Variants in KAZN observed in about 807,000 individuals in gnomAD.
KAZN encodes kazrin.
In KAZN, 40 loss-of-function variants were observed where a neutral mutation model predicts 87.4. The ratio of observed to expected loss-of-function variants is 0.46; its 90% CI spans 0.36 to 0.60. KAZN has a LOEUF of 0.60. Ranked by LOEUF, KAZN falls within the 20% of genes least tolerant of loss-of-function variation. KAZN has a pLI of 0.00. For missense variants in KAZN, 898 were observed against 1,073.9 expected, an observed-to-expected ratio of 0.84 and a Z score of 2.29; for synonymous variants, 466 against 458.3, an observed-to-expected ratio of 1.02 and a Z score of -0.22.
chr1:14,256,975 A>G (rs1650567032), intron 2 of KAZN, among the ~76,000 whole-genome samples: 1 of 152,086 alleles, frequency 6.6e-6, no homozygotes, highest in Non-Finnish European at 1.5e-5. Flanking sequence ...GATTCCCACA[A>G]TATGACAAAA....
chr1:14,132,330 A>AG (rs1386391164), intron 1 of KAZN, among the ~76,000 whole-genome samples: 14 of 152,130 alleles, frequency 9.2e-5, no homozygotes, highest in African/African-American at 4.8e-5. Flanking sequence ...GCAGAAAAGC[A>AG]GGGGGTCACA....
At chr1:14,761,185 C>T (rs1217421220) in intron 1 of KAZN, among the ~76,000 whole-genome samples, 1 of 152,174 alleles carries the variant, frequency 6.6e-6, no homozygotes, top group East Asian at 1.9e-4. Context: ...CAGGCTAGGT[C>T]TGTGCCTACC....
intron 2 of KAZN, among the ~76,000 whole-genome samples, chr1:14,393,841 T>TAAAAAAA (rs1417029946): frequency 2.0e-5 from 1 of 49,668 alleles, no homozygotes; most frequent in African/African-American, 6.0e-5. Context: ...AGACCCAATC[T>TAAAAAAA]CAAAAAAAAA....
At chr1:14,200,806 C>T (rs762681153) in intron 2 of KAZN, among the ~76,000 whole-genome samples, 2 of 151,860 alleles carry the variant, frequency 1.3e-5, no homozygotes, top group Non-Finnish European at 2.9e-5. Flanking sequence ...CTCTCCACCA[C>T]ACCTGTGCTG....
intron 1 of KAZN, among the ~76,000 whole-genome samples, chr1:14,805,760 CAAAAT>C (rs1374150760): frequency 8.5e-6 from 1 of 117,650 alleles, no homozygotes; most frequent in Non-Finnish European, 1.8e-5. Flanking sequence ...CACCCCATCT[CAAAAT>C]AATAATAATA....
At chr1:14,930,857 A>G (rs976341102) in intron 1 of KAZN, among the ~76,000 whole-genome samples, 1 of 152,068 alleles carries the variant, frequency 6.6e-6, no homozygotes, top group Non-Finnish European at 1.5e-5. Context: ...GGGAGGGGGG[A>G]ACCCTGGGGG....
chr1:13,928,656 T>C (rs1233607330), intron 1 of KAZN, among the ~76,000 whole-genome samples: 1 of 152,162 alleles, frequency 6.6e-6, no homozygotes, highest in Non-Finnish European at 1.5e-5. Flanking sequence ...CTGAATAAAA[T>C]ATTGATCCAG....
chr1:13,987,726 G>A (rs1639087733), intron 1 of KAZN, among the ~76,000 whole-genome samples: 1 of 152,102 alleles, frequency 6.6e-6, no homozygotes, highest in Non-Finnish European at 1.5e-5. Flanking sequence ...ACCCACTACT[G>A]TGATAACAGC....
chr1:14,233,928 G>T (rs1648114718), intron 2 of KAZN, among the ~76,000 whole-genome samples: 1 of 152,162 alleles, frequency 6.6e-6, no homozygotes, highest in Admixed American at 6.5e-5. Context: ...TAGAGAAATA[G>T]GAACGCTTTT....
chr1:14,554,674 T>A (rs1228947236), intron 2 of KAZN, among the ~76,000 whole-genome samples: 2 of 152,296 alleles, frequency 1.3e-5, no homozygotes, highest in African/African-American at 4.8e-5. Flanking sequence ...GTACTTGACA[T>A]CTCTAGAAAG....
At chr1:13,927,137 A>T (rs893170545) in intron 1 of KAZN, among the ~76,000 whole-genome samples, 1 of 152,214 alleles carries the variant, frequency 6.6e-6, no homozygotes, top group African/African-American at 2.4e-5. Context: ...TCCGTGTTCT[A>T]TAAAGCCCTT....
At chr1:14,875,408 T>G (rs1652652397) in intron 1 of KAZN, among the ~76,000 whole-genome samples, 1 of 150,928 alleles carries the variant, frequency 6.6e-6, no homozygotes, top group Non-Finnish European at 1.5e-5. Context: ...TTTATTTGGT[T>G]GTTGTTATCA....
intron 2 of KAZN, among the ~76,000 whole-genome samples, chr1:14,470,977 G>A (rs1041436269): frequency 6.6e-5 from 10 of 152,324 alleles, no homozygotes; most frequent in African/African-American, 2.4e-4. Context: ...GTCCCATGGT[G>A]AGGTATTGAG....
intron 1 of KAZN, among the ~76,000 whole-genome samples, chr1:14,706,269 TATA>T (rs1642203184): frequency 1.3e-5 from 2 of 151,974 alleles, no homozygotes; most frequent in Admixed American, 6.6e-5. Flanking sequence ...TATATTACAA[TATA>T]ATAATAATAA....
At chr1:14,381,542 G>A (rs765917894) in intron 2 of KAZN, among the ~76,000 whole-genome samples, 1 of 152,040 alleles carries the variant, frequency 6.6e-6, no homozygotes, top group Non-Finnish European at 1.5e-5. Context: ...CAATTAATCT[G>A]ATACATCATA....
intron 1 of KAZN, among the ~76,000 whole-genome samples, chr1:13,924,441 A>T (rs1640191913): frequency 6.6e-6 from 1 of 152,174 alleles, no homozygotes; most frequent in African/African-American, 2.4e-5. Context: ...AAACAGCTTT[A>T]TTGAGATTTA....
At position 14,469,770 on chromosome 1, in the gene KAZN, A is replaced by G. The variant is rs1668351673; in HGVS notation, c.250-129213A>G. Among the ~76,000 whole-genome samples the G allele has an allele frequency of 1.3e-5, 2 of 152,202 alleles. 1 individual carries two copies. The highest frequency in any genetic ancestry group is 4.8e-5 in the African/African-American group (2 of 41,458). ...TGTCAGATTCTTATTAGCATTAATG[A>G]TGGGTTGTTCAACAAAATCTCTGCA... On this transcript the variant is annotated intron_variant, in intron 2 of 16. Coordinates refer to the KAZN transcript ENST00000636203.
chr1:14,034,033 G>T (rs147251630), intron 1 of KAZN, among the ~76,000 whole-genome samples: 4 of 152,246 alleles, frequency 2.6e-5, no homozygotes, highest in African/African-American at 7.2e-5. Flanking sequence ...AATGTTGGGC[G>T]CAGCAAGGCT....
chr1:14,407,117 C>G (rs1451807710), intron 2 of KAZN, among the ~76,000 whole-genome samples: 1 of 152,152 alleles, frequency 6.6e-6, no homozygotes. Flanking sequence ...ACACTAGCAA[C>G]ATTTGTATTC....
Sources: gnomAD v4.1 joint callset for allele counts (sites outside exome capture counted in the v4.1 genomes callset) on GRCh38, gnomAD v4.1.1 for gene constraint, MANE v1.5 for transcripts, NCBI Gene and HGNC (gene_info 2026-07-23, HGNC 2026-07-21) for gene names.